The following TMPRSS4 variants were observed in gnomAD, a reference collection of about 807,000 sequenced individuals.
TMPRSS4 encodes transmembrane serine protease 4.
TMPRSS4 carries 45 observed loss-of-function variants against 56.4 expected under a neutral mutation model. The observed-to-expected ratio is 0.80, with a 90% CI of 0.63 to 1.02. The LOEUF (loss-of-function observed/expected upper bound fraction) is 1.02. TMPRSS4 is among the 50% of genes least tolerant of loss of function. TMPRSS4 has a pLI of 0.00. For missense variants in TMPRSS4, 546 were observed against 556.7 expected (o/e 0.98, Z 0.19); for synonymous variants, 205 against 211.0 (o/e 0.97, Z 0.25).
At position 118,118,949 on chromosome 11, in the gene TMPRSS4, C is replaced by T; in HGVS notation, c.*1036C>T. 2.0e-6 allele frequency: 2 copies of T among 985,376 alleles called. No individual in the cohort carries two copies. The highest frequency in any genetic ancestry group is 2.4e-6 in the Non-Finnish European group (2 of 829,940). 61.0% of individuals were successfully genotyped at this position (985,376 alleles called of 1,614,324 possible). A position where few individuals can be genotyped will look rare whatever the true frequency, so the allele number is the denominator to read the frequency against. On this transcript the variant is annotated 3_prime_UTR_variant, in exon 13 of 13. Transcript: ENST00000437212. The stretch of plus-strand genomic sequence containing the variant: ...TGTGAGGATGTAAGCATGAATAAGT[C>T]CCTGCACTCAAAATGGTCAAAGAAT...
chr11:118,099,675 C>G (rs953878819), intron 3 of TMPRSS4, among the ~76,000 whole-genome samples: 1 of 152,156 alleles, frequency 6.6e-6, no homozygotes, highest in Non-Finnish European at 1.5e-5. Flanking sequence ...TGCCACGCCC[C>G]CTGCCCCCTC....
chr11:118,113,533 CT>C, intron 9 of TMPRSS4, 98 bp downstream of exon 9: 4 of 1,371,514 alleles, frequency 2.9e-6, no homozygotes, highest in Non-Finnish European at 4.0e-6. Context: ...ATAATGTCTC[CT>C]CTCAAGTCCT....
chr11:118,104,515 G>T (rs1013059425), intron 4 of TMPRSS4, among the ~76,000 whole-genome samples, 176 bp from the exon 5 acceptor site: 1 of 152,162 alleles, frequency 6.6e-6, no homozygotes, highest in Admixed American at 6.5e-5. Context: ...TGTCAAAATG[G>T]GGCCCAAATA....
At chr11:118,080,759 C>G (rs1409604114) in intron 1 of TMPRSS4, among the ~76,000 whole-genome samples, 1 of 152,146 alleles carries the variant, frequency 6.6e-6, no homozygotes, top group African/African-American at 2.4e-5. Context: ...ACAAGCTTCC[C>G]AAAGCCCCAG....
chr11:118,115,101 G>A (rs1316370108), intron 10 of TMPRSS4, 37 bp from the exon 11 acceptor site: 4 of 1,598,470 alleles, frequency 2.5e-6, no homozygotes, highest in African/African-American at 1.3e-5. Context: ...GGGGATAGAA[G>A]GCAAGGATGG....
At chr11:118,096,817 A>AAGAAAGAG (rs1464733026) in intron 2 of TMPRSS4, among the ~76,000 whole-genome samples, 1 of 18,014 alleles carries the variant, frequency 5.6e-5, no homozygotes, top group African/African-American at 1.8e-4. Context: ...AGAAAAAAGA[A>AAGAAAGAG]AGAAAGAGAG....
At chr11:118,106,026 T>G (rs1349702446) in intron 5 of TMPRSS4, 1 of 152,148 alleles carries the variant, frequency 6.6e-6, no homozygotes, top group African/African-American at 2.4e-5. Flanking sequence ...TCAAGGAGAG[T>G]GAGGAACTCA....
At chr11:118,101,842 C>G (rs2135399615) in intron 3 of TMPRSS4, among the ~76,000 whole-genome samples, 1 of 152,226 alleles carries the variant, frequency 6.6e-6, no homozygotes, top group South Asian at 2.1e-4. Flanking sequence ...TTCCATCATC[C>G]CAAAATGGCA....
In TMPRSS4 at chr11:118,113,277, C is replaced by A; in HGVS notation, c.752C>A (p.Thr251Asn). Residue 251 changes from threonine to asparagine, a missense_variant, in exon 9 of 13, where the codon ACC (threonine) becomes AAC (asparagine). Thr to Asn is a moderately conservative substitution (Grantham distance 65, BLOSUM62 0). Coordinates refer to ENST00000437212, the MANE Select transcript of TMPRSS4 (RefSeq NM_019894.4). Reference protein sequence around the residue: ...LTAAHCFRKHTDVFNWKVRAG... With the variant: ...LTAAHCFRKHNDVFNWKVRAG... ...GCTGTCTCTACCCCCAGGAAACATA[C>A]CGATGTGTTCAACTGGAAGGTGCGG... The A allele has an allele frequency of 1.2e-6, 2 of 1,613,900 alleles. No individual in the cohort carries two copies. Among genetic ancestry groups the A allele is most frequent in the Non-Finnish European group, 1.7e-6 (2 of 1,179,892 alleles).
intron 12 of TMPRSS4, 141 bp from the exon 13 acceptor site, chr11:118,117,761 G>C: frequency 6.4e-7 from 1 of 1,551,952 alleles, no homozygotes; most frequent in Non-Finnish European, 8.7e-7. Flanking sequence ...GAGTGGAAAG[G>C]CTCATGAGAC....
At chr11:118,096,842 A>AGAAG (rs1565422088) in intron 2 of TMPRSS4, among the ~76,000 whole-genome samples, 1 of 19,894 alleles carries the variant, frequency 5.0e-5, no homozygotes, top group African/African-American at 1.9e-4. Flanking sequence ...AAAGAAGGAA[A>AGAAG]GAAGGAAAGA....
intron 1 of TMPRSS4, among the ~76,000 whole-genome samples, chr11:118,091,134 A>T (rs1047272316): frequency 8.6e-5 from 13 of 151,960 alleles, no homozygotes; most frequent in African/African-American, 2.7e-4. Context: ...CTCAGCAAGC[A>T]CCCTCTCACC....
chr11:118,110,598 C>T (rs1004406573), intron 7 of TMPRSS4, among the ~76,000 whole-genome samples: 1 of 152,184 alleles, frequency 6.6e-6, no homozygotes. Context: ...GTCTCGAACT[C>T]CTGACCTCAG....
intron 1 of TMPRSS4, among the ~76,000 whole-genome samples, chr11:118,086,430 C>T (rs1460396148): frequency 6.6e-6 from 1 of 152,258 alleles, no homozygotes; most frequent in East Asian, 1.9e-4. Context: ...AATGTAGCAG[C>T]CAAGGCTGAG....
chr11:118,088,807 G>A (rs1945760939), intron 1 of TMPRSS4, among the ~76,000 whole-genome samples: 1 of 152,248 alleles, frequency 6.6e-6, no homozygotes, highest in Non-Finnish European at 1.5e-5. Flanking sequence ...GCAGAAGGAA[G>A]CACATGTGTT....
In TMPRSS4 at chr11:118,115,134, C is replaced by T. The variant is rs545449886; in HGVS notation, c.1010-4C>T. 14 of 1,608,980 alleles carry T rather than the reference C, an allele frequency of 8.7e-6. No homozygotes were observed. In the African/African-American group the frequency reaches 1.6e-4, roughly 18 times the overall value. Reference sequence around the variant, plus strand: ...TGGGAATGTGAGTGTTTTTACCCTCCCAGGGAAGATGTCTGACATACTGCT... The same window carrying T: ...TGGGAATGTGAGTGTTTTTACCCTCTCAGGGAAGATGTCTGACATACTGCT... On this transcript the variant is annotated splice_region_variant and splice_polypyrimidine_tract_variant and intron_variant, in intron 10 of 12. Transcript: ENST00000437212.
downstream of TMPRSS4, among the ~76,000 whole-genome samples, chr11:118,123,350 T>C (rs576880676): frequency 1.3e-5 from 2 of 152,290 alleles, no homozygotes; most frequent in Non-Finnish European, 2.9e-5. Flanking sequence ...TTAACATAAA[T>C]CTTTTAGATC....
intron 1 of TMPRSS4, among the ~76,000 whole-genome samples, chr11:118,081,855 C>A (rs979941728): frequency 6.6e-6 from 1 of 152,178 alleles, no homozygotes; most frequent in Admixed American, 6.5e-5. Context: ...AAAATCTAGG[C>A]CTTCAGTTTT....
chr11:118,105,545 C>A (rs577918011), intron 5 of TMPRSS4: 2 of 152,260 alleles, frequency 1.3e-5, no homozygotes, highest in South Asian at 2.1e-4. Flanking sequence ...CTAATTCTTG[C>A]GCATTAGGAG....
Sources: gnomAD v4.1 joint callset for allele counts (sites outside exome capture counted in the v4.1 genomes callset) on GRCh38, gnomAD v4.1.1 for gene constraint, MANE v1.5 for transcripts, NCBI Gene and HGNC (gene_info 2026-07-23, HGNC 2026-07-21) for gene names.